Variants in CTNND2 observed in about 807,000 individuals in gnomAD.
The protein encoded by CTNND2 is catenin delta-2.
Under a neutral mutation model 144.4 loss-of-function variants are expected in CTNND2, and 22 were observed. The ratio of observed to expected loss-of-function variants is 0.15; its 90% CI spans 0.11 to 0.22. CTNND2 has a LOEUF of 0.22. Ranked by LOEUF, CTNND2 falls within the 10% of genes least tolerant of loss-of-function variation. The probability of loss-of-function intolerance (pLI) is 1.00; values close to 1 mark genes in which losing one functional copy is unlikely to be tolerated. For synonymous variants in CTNND2, 751 were observed against 695.6 expected (o/e 1.08, Z -1.25); for missense variants, 1,353 against 1,618.8 (o/e 0.84, Z 2.82).
intron 2 of CTNND2, among the ~76,000 whole-genome samples, chr5:11,580,908 ATTG>A (rs1778378385): frequency 6.6e-6 from 1 of 152,112 alleles, no homozygotes; most frequent in Admixed American, 6.6e-5. Flanking sequence ...AGGTTTCATC[ATTG>A]TTTTTAGAAG....
At chr5:11,023,832 G>A (rs1201146076) in intron 16 of CTNND2, among the ~76,000 whole-genome samples, 1 of 152,076 alleles carries the variant, frequency 6.6e-6, no homozygotes, top group African/African-American at 2.4e-5. Flanking sequence ...AGCACTTTAG[G>A]CATTACCAAT....
At chr5:11,023,076 C>G (rs1268691045) in intron 16 of CTNND2, 97 bp from the exon 17 acceptor site, 2 of 1,075,992 alleles carry the variant, frequency 1.9e-6, no homozygotes, top group East Asian at 5.0e-5. Context: ...ATACGAGAGG[C>G]CACGTTTATG....
rs1001359601 is a variant in CTNND2, at chr5:11,474,473, T to C, written c.288-62404A>G. The stretch of plus-strand genomic sequence containing the variant: ...CCCAGAGAAAAGAGACAATAATAGC[T>C]AATTGGAGAAGAGAGAAGTAAACAA... On this transcript the variant is annotated intron_variant, in intron 3 of 21. Coordinates refer to ENST00000304623, the MANE Select transcript of CTNND2 (RefSeq NM_001332.4). Among the ~76,000 whole-genome samples the C allele has an allele frequency of 8.5e-5, 13 of 152,270 alleles. No homozygotes were observed. In the East Asian group the frequency reaches 2.5e-3, roughly 29 times the overall value.
At chr5:11,348,149 T>C (rs1754981242) in intron 8 of CTNND2, among the ~76,000 whole-genome samples, 1 of 152,138 alleles carries the variant, frequency 6.6e-6, no homozygotes, top group Non-Finnish European at 1.5e-5. Context: ...TCCTGATGTG[T>C]TAAGTCTCAA....
intron 1 of CTNND2, among the ~76,000 whole-genome samples, chr5:11,753,724 T>G (rs1255301946): frequency 6.6e-6 from 1 of 151,918 alleles, no homozygotes; most frequent in Admixed American, 6.6e-5. Context: ...CTCAATTTTT[T>G]GGAATAGTTT....
intron 1 of CTNND2, among the ~76,000 whole-genome samples, chr5:11,833,259 A>T (rs1476339797): frequency 6.6e-6 from 1 of 152,208 alleles, no homozygotes; most frequent in Non-Finnish European, 1.5e-5. Flanking sequence ...GGATAAACAA[A>T]TTGTGACAAA....
chr5:11,613,665 T>G (rs1383603712), intron 2 of CTNND2, among the ~76,000 whole-genome samples: 1 of 152,216 alleles, frequency 6.6e-6, no homozygotes, highest in Non-Finnish European at 1.5e-5. Flanking sequence ...CCAATGTAAC[T>G]AGCCCATGGA....
chr5:11,378,172 G>C (rs1206586089), intron 7 of CTNND2, among the ~76,000 whole-genome samples: 2 of 152,140 alleles, frequency 1.3e-5, no homozygotes, highest in African/African-American at 2.4e-5. Context: ...GGAAATGGCT[G>C]GTGTGTGGAA....
intron 15 of CTNND2, among the ~76,000 whole-genome samples, chr5:11,089,901 C>T (rs575478570): frequency 2.6e-4 from 40 of 152,242 alleles, no homozygotes; most frequent in Non-Finnish European, 4.1e-4. Context: ...ACCAGCTCCT[C>T]GGGAGACTGA....
At chr5:11,037,919 AT>A (rs1561209226) in intron 16 of CTNND2, among the ~76,000 whole-genome samples, 1 of 152,180 alleles carries the variant, frequency 6.6e-6, no homozygotes, top group Non-Finnish European at 1.5e-5. Flanking sequence ...CAATAGTTAC[AT>A]TATTATTTAA....
chr5:11,724,688 T>TA (rs1561734504), intron 2 of CTNND2, among the ~76,000 whole-genome samples: 2 of 152,154 alleles, frequency 1.3e-5, no homozygotes, highest in Non-Finnish European at 2.9e-5. Flanking sequence ...GAATAGAAGA[T>TA]ACGGCAGTGT....
rs558335088 is a variant in CTNND2 at position 11,713,039 on chromosome 5, G to C, written c.174+19097C>G. Among the ~76,000 whole-genome samples, 29 of 152,262 alleles carry C rather than the reference G, an allele frequency of 1.9e-4. No homozygotes were observed. The South Asian group carries it at 4.6e-3, about 24-fold the overall frequency. ...TGGTATGTACACAGTGCTGCAAAATGGGGAGAAGGAGAAAGAAATGAGAAC... is the reference window on the plus strand; with the variant it reads ...TGGTATGTACACAGTGCTGCAAAATCGGGAGAAGGAGAAAGAAATGAGAAC... On this transcript the variant is annotated intron_variant, in intron 2 of 21. Transcript: ENST00000304623.
intron 2 of CTNND2, among the ~76,000 whole-genome samples, chr5:11,595,518 C>T (rs182357050): frequency 1.1e-3 from 166 of 152,280 alleles, no homozygotes; most frequent in African/African-American, 3.5e-3. Flanking sequence ...ACAAGCCTTT[C>T]TTCAATCTGT....
chr5:11,659,401 G>A (rs994672070), intron 2 of CTNND2, among the ~76,000 whole-genome samples: 1 of 152,074 alleles, frequency 6.6e-6, no homozygotes, highest in Non-Finnish European at 1.5e-5. Flanking sequence ...TCTTAATATA[G>A]TATATGCAAT....
intron 9 of CTNND2, among the ~76,000 whole-genome samples, chr5:11,340,572 C>A (rs543938137): frequency 4.9e-4 from 75 of 151,750 alleles, no homozygotes; most frequent in Non-Finnish European, 9.1e-4. Context: ...AAATTGGGAC[C>A]CAAAAAAGAT....
At chr5:11,430,875 C>T (rs1207609146) in intron 3 of CTNND2, among the ~76,000 whole-genome samples, 2 of 152,108 alleles carry the variant, frequency 1.3e-5, no homozygotes, top group Non-Finnish European at 2.9e-5. Context: ...GGGGTCATAC[C>T]TTATATCTCT....
intron 3 of CTNND2, among the ~76,000 whole-genome samples, chr5:11,517,485 C>T (rs1227877292): frequency 3.3e-5 from 5 of 152,016 alleles, no homozygotes; most frequent in Admixed American, 2.0e-4. Context: ...TAAAATTGTA[C>T]ATATTTAAGG....
chr5:11,719,876 A>ACACACCCC (rs1016017967), intron 2 of CTNND2, among the ~76,000 whole-genome samples: 28 of 144,300 alleles, frequency 1.9e-4, no homozygotes, highest in African/African-American at 7.2e-4. Context: ...ACACACACAC[A>ACACACCCC]CCACAGATCC....
At chr5:11,523,820 CTGCCCTGGCCAGG>C (rs1772973324) in intron 3 of CTNND2, among the ~76,000 whole-genome samples, 1 of 152,200 alleles carries the variant, frequency 6.6e-6, no homozygotes. Context: ...CTTGACCACT[CTGCCCTGGCCAGG>C]GCTTACAACA....
Sources: gnomAD v4.1 joint callset for allele counts (sites outside exome capture counted in the v4.1 genomes callset) on GRCh38, gnomAD v4.1.1 for gene constraint, MANE v1.5 for transcripts, NCBI Gene and HGNC (gene_info 2026-07-23, HGNC 2026-07-21) for gene names.